SHB: variants seen among roughly 807,000 people sequenced by gnomAD.
SHB encodes SH2 domain-containing adapter protein B.
In SHB, 20 loss-of-function variants were observed where a neutral mutation model predicts 52.3. The observed-to-expected ratio is 0.38, with a 90% confidence interval of 0.27 to 0.56. The LOEUF (loss-of-function observed/expected upper bound fraction) is 0.56. SHB is among the 20% of genes least tolerant of loss of function. The pLI is 0.71. For missense variants in SHB, 825 were observed against 723.3 expected, an observed-to-expected ratio of 1.14 and a Z score of -1.61; for synonymous variants, 397 against 316.5, an observed-to-expected ratio of 1.25 and a Z score of -2.70.
At chr9:37,998,846 A>T (rs1162610582) in intron 2 of SHB, among the ~76,000 whole-genome samples, 1 of 152,254 alleles carries the variant, frequency 6.6e-6, no homozygotes, top group Non-Finnish European at 1.5e-5. Flanking sequence ...TTCAAAGGCA[A>T]GGATGAGATG....
intron 4 of SHB, among the ~76,000 whole-genome samples, chr9:37,954,670 C>T (rs746479759): frequency 5.3e-5 from 8 of 152,218 alleles, no homozygotes; most frequent in Non-Finnish European, 1.0e-4. Context: ...ACAAGTCCTG[C>T]ACCTGCTTTG....
chr9:37,990,453 G>T (rs1380822660), intron 2 of SHB, among the ~76,000 whole-genome samples: 2 of 152,170 alleles, frequency 1.3e-5, no homozygotes, highest in Non-Finnish European at 2.9e-5. Flanking sequence ...CAGCTCCACA[G>T]ATGCTCAGCA....
At chr9:38,027,795 G>A (rs959596217) in intron 1 of SHB, among the ~76,000 whole-genome samples, 12 of 152,048 alleles carry the variant, frequency 7.9e-5, no homozygotes, top group Admixed American at 2.6e-4. Flanking sequence ...AAAAGCCCTC[G>A]GGCACAGAGA....
chr9:37,948,276 C>A (rs544093748), intron 5 of SHB, among the ~76,000 whole-genome samples: 11 of 152,242 alleles, frequency 7.2e-5, no homozygotes, highest in African/African-American at 2.2e-4. Context: ...TGCAAATTGG[C>A]GACGATATGT....
At chr9:37,968,796 C>CT (rs1820561004) in intron 3 of SHB, among the ~76,000 whole-genome samples, 1 of 152,230 alleles carries the variant, frequency 6.6e-6, no homozygotes, top group African/African-American at 2.4e-5. Context: ...GGTCATTCCT[C>CT]TATGTATGGC....
At chr9:37,935,903 CT>C (rs1832363510) in intron 5 of SHB, among the ~76,000 whole-genome samples, 1 of 148,614 alleles carries the variant, frequency 6.7e-6, no homozygotes, top group Admixed American at 6.7e-5. Flanking sequence ...AGCCAATGAG[CT>C]TCCTGCTCTG....
intron 1 of SHB, among the ~76,000 whole-genome samples, chr9:38,023,657 C>CT (rs869242625): frequency 1.3e-5 from 2 of 152,178 alleles, no homozygotes; most frequent in Non-Finnish European, 1.5e-5. Context: ...TGTGAATGCC[C>CT]TTTTTTCCCC....
chr9:37,944,958 G>A (rs1832475687), intron 5 of SHB, among the ~76,000 whole-genome samples: 1 of 152,164 alleles, frequency 6.6e-6, no homozygotes, highest in Non-Finnish European at 1.5e-5. Flanking sequence ...GCCTGGCCAG[G>A]CTGAGCCCCT....
intron 1 of SHB, among the ~76,000 whole-genome samples, chr9:38,026,665 C>T (rs1821347061): frequency 6.6e-6 from 1 of 152,232 alleles, no homozygotes. Flanking sequence ...AATGCTGTAT[C>T]CTCCAGCAAC....
At chr9:38,026,092 C>T (rs774199287) in intron 1 of SHB, among the ~76,000 whole-genome samples, 3 of 152,230 alleles carry the variant, frequency 2.0e-5, no homozygotes, top group Admixed American at 2.0e-4. Flanking sequence ...GAGGCTTTCT[C>T]ACGGTAACGT....
intron 2 of SHB, among the ~76,000 whole-genome samples, chr9:38,014,926 T>A (rs1821192346): frequency 6.6e-6 from 1 of 152,106 alleles, no homozygotes; most frequent in African/African-American, 2.4e-5. Context: ...TTCTCCTAAT[T>A]CAAGAAGGAA....
chr9:38,068,382 C>G lies in SHB; in HGVS notation c.264G>C (p.Lys88Asn), dbSNP rs746127766. ...TGTAGGGGTCCTCGAAGTCTCGCTC[C>G]TTCTGCGCGCGGTAGGCGCGGATGA... The part of the protein sequence containing the change: ...SDLIRAYRAQ[K>N]ERDFEDPYNG... Residue 88 changes from lysine (K) to asparagine (N), a missense_variant, in exon 1 of 6, where the codon AAG (lysine) becomes AAC (asparagine). Coordinates refer to ENST00000377707, the MANE Select transcript of SHB (RefSeq NM_003028.3). The G allele has an allele frequency of 6.3e-7, 1 of 1,576,286 alleles. No homozygotes were observed. Among genetic ancestry groups the G allele is most frequent in the Non-Finnish European group, 8.6e-7 (1 of 1,164,768 alleles).
chr9:38,051,341 G>A (rs1366653151), intron 1 of SHB, among the ~76,000 whole-genome samples: 1 of 151,932 alleles, frequency 6.6e-6, no homozygotes, highest in East Asian at 1.9e-4. Flanking sequence ...TACTCGGGAG[G>A]CTGAGGCAGG....
chr9:37,973,773 T>A (rs906262675), intron 3 of SHB, among the ~76,000 whole-genome samples: 2 of 152,154 alleles, frequency 1.3e-5, no homozygotes, highest in East Asian at 3.9e-4. Flanking sequence ...GGGGCTGAGC[T>A]CTGTCCATCA....
chr9:37,936,388 G>A (rs1228290312), intron 5 of SHB, among the ~76,000 whole-genome samples: 1 of 152,130 alleles, frequency 6.6e-6, no homozygotes, highest in Non-Finnish European at 1.5e-5. Flanking sequence ...CCACACACAT[G>A]CGTACATGCA....
chr9:37,974,511 C>A (rs1160427252), intron 3 of SHB, 111 bp downstream of exon 3: 1 of 891,044 alleles, frequency 1.1e-6, no homozygotes, highest in Non-Finnish European at 1.8e-6. Context: ...AAAGACCACC[C>A]AACTGGATTA....
intron 5 of SHB, 40 bp from the exon 6 acceptor site, chr9:37,920,044 A>C: frequency 6.5e-7 from 1 of 1,546,060 alleles, no homozygotes; most frequent in South Asian, 1.1e-5. Flanking sequence ...TACCCCCCTG[A>C]CACTCAGGCT....
chr9:38,068,006 C>T lies in SHB; in HGVS notation c.640G>A (p.Ala214Thr). 5.2e-6 allele frequency: 8 copies of T among 1,524,742 alleles called. No individual in the cohort carries two copies. Among genetic ancestry groups the T allele is most frequent in the Non-Finnish European group, 7.0e-6 (8 of 1,144,666 alleles). The allele number at this position is 1,524,742 out of a possible 1,614,324, so 94.5% of individuals were successfully genotyped here. A position where few individuals can be genotyped will look rare whatever the true frequency, so the allele number is the denominator to read the frequency against. The change falls in exon 1 of 6, where the codon GCC becomes ACC. Residue 214 changes from alanine (A) to threonine (T), a missense_variant. Coordinates refer to ENST00000377707, the MANE Select transcript of SHB (RefSeq NM_003028.3). Reference sequence around the variant, plus strand: ...TTGAGCAGTTTCTTGCCTCCGCAGGCCGTCGGGCTCCAGGTGCGGCCGCCC... The same window carrying T: ...TTGAGCAGTTTCTTGCCTCCGCAGGTCGTCGGGCTCCAGGTGCGGCCGCCC... Reference protein sequence around the residue: ...CAGGRTWSPTACGGKKLLNKC... With the variant: ...CAGGRTWSPTTCGGKKLLNKC...
Position 37,974,843 on chromosome 9 carries a change from G to C in SHB, c.839-6C>G. On this transcript the variant is annotated splice_polypyrimidine_tract_variant and splice_region_variant and intron_variant, in intron 2 of 5. Transcript: ENST00000377707. ...ACTTTCCTGCCTCTGAAATTCTGCA[G>C]GCAAAAAGGAAGGAAGCAGAGATGA... The C allele has an allele frequency of 6.2e-7, 1 of 1,611,566 alleles. No homozygotes were observed. The highest frequency in any genetic ancestry group is 8.5e-7 in the Non-Finnish European group (1 of 1,178,226).
Sources: allele counts gnomAD v4.1 joint callset (sites outside exome capture counted in the v4.1 genomes callset), GRCh38; gene constraint gnomAD v4.1.1; transcripts MANE v1.5; gene names NCBI Gene and HGNC (gene_info 2026-07-23, HGNC 2026-07-21).